Variants in DACH2 observed in about 807,000 individuals in gnomAD.
DACH2 encodes the protein dachshund family transcription factor 2.
Under a neutral mutation model 35.8 loss-of-function variants are expected in DACH2, and 17 were observed. That is an observed-to-expected ratio of 0.48 (90% CI 0.33 to 0.71). The LOEUF is 0.71. Among genes scored for constraint, DACH2 ranks in the 30% least tolerant of loss-of-function variants. The probability of loss-of-function intolerance (pLI) is 0.02; values close to 1 mark genes in which losing one functional copy is unlikely to be tolerated. For synonymous variants in DACH2, 195 were observed against 177.3 expected, an observed-to-expected ratio of 1.10 and a Z score of -0.79; for missense variants, 469 against 472.7, an observed-to-expected ratio of 0.99 and a Z score of 0.07.
At chrX:86,697,620 T>C (rs1164629676) in intron 5 of DACH2, among the ~76,000 whole-genome samples, 1 of 106,490 alleles carries the variant, frequency 9.4e-6, no homozygotes, top group Non-Finnish European at 1.9e-5. Context: ...ATGGAAAAAA[T>C]GAACATCATG....
chrX:86,377,953 T>C (rs1057439761), intron 2 of DACH2, among the ~76,000 whole-genome samples: 2 of 110,501 alleles, frequency 1.8e-5, no homozygotes, highest in African/African-American at 6.5e-5. Flanking sequence ...TATTAGACAA[T>C]GATATCAATG....
intron 3 of DACH2, among the ~76,000 whole-genome samples, chrX:86,633,534 A>T (rs759022437): frequency 8.9e-6 from 1 of 111,790 alleles, no homozygotes; most frequent in Non-Finnish European, 1.9e-5. Context: ...ACATGCATAG[A>T]AGAACTGGTA....
chrX:86,440,274 T>A (rs1400377515), intron 2 of DACH2, among the ~76,000 whole-genome samples: 1 of 111,340 alleles, frequency 9.0e-6, no homozygotes, highest in Non-Finnish European at 1.9e-5. Flanking sequence ...CTTCTATCAG[T>A]TTTGCCTCAC....
chrX:86,453,022 G>T (rs1198103829), intron 2 of DACH2, among the ~76,000 whole-genome samples: 2 of 111,303 alleles, frequency 1.8e-5, no homozygotes, highest in East Asian at 5.7e-4. Context: ...TTGCCTGTTT[G>T]TTCTCATTAG....
chrX:86,779,743 G>A (rs2042071668), intron 7 of DACH2, among the ~76,000 whole-genome samples: 1 of 111,995 alleles, frequency 8.9e-6, no homozygotes, highest in Non-Finnish European at 1.9e-5. Flanking sequence ...AGACAAAACA[G>A]TTTACTGAGG....
rs769740372 is a variant in DACH2 at position 86,287,755 on chromosome X, A to T, written c.489-89069A>T. Among the ~76,000 whole-genome samples the T allele has an allele frequency of 2.7e-5, 3 of 112,028 alleles. No homozygotes were observed. The South Asian group carries it at 1.1e-3, about 41-fold the overall frequency. On this transcript the variant is annotated intron_variant, in intron 1 of 11. Transcript: ENST00000373125. The stretch of plus-strand genomic sequence containing the variant: ...TATTTTTGATTATTTCTATGTTTTA[A>T]TTAAATTTATCTGATAGAATTCTGA...
At chrX:86,601,527 C>A (rs2039789285) in intron 3 of DACH2, among the ~76,000 whole-genome samples, 1 of 111,713 alleles carries the variant, frequency 9.0e-6, no homozygotes, top group Non-Finnish European at 1.9e-5. Context: ...AACCACTAGC[C>A]ACAAGTGGTT....
chrX:86,607,318 A>T (rs2039871411), intron 3 of DACH2, among the ~76,000 whole-genome samples: 1 of 111,075 alleles, frequency 9.0e-6, no homozygotes, highest in South Asian at 3.7e-4. Flanking sequence ...TGGCAACATG[A>T]TTTAGTTTCT....
At chrX:86,378,288 A>G (rs1221525893) in intron 2 of DACH2, among the ~76,000 whole-genome samples, 1 of 110,215 alleles carries the variant, frequency 9.1e-6, no homozygotes, top group Non-Finnish European at 1.9e-5. Flanking sequence ...TCAGAGAAAA[A>G]CCATGAAGTG....
intron 3 of DACH2, among the ~76,000 whole-genome samples, chrX:86,581,231 A>G (rs907547556): frequency 8.9e-6 from 1 of 112,061 alleles, no homozygotes; most frequent in East Asian, 2.8e-4. Flanking sequence ...AAGGGATGCT[A>G]AATATGGAAA....
intron 11 of DACH2, among the ~76,000 whole-genome samples, chrX:86,818,449 A>C (rs2042474133): frequency 9.0e-6 from 1 of 111,592 alleles, no homozygotes; most frequent in Admixed American, 9.6e-5. Context: ...AAAAGTAATA[A>C]AAACATTACT....
At chrX:86,706,031 G>T (rs929899097) in intron 5 of DACH2, among the ~76,000 whole-genome samples, 2 of 111,649 alleles carry the variant, frequency 1.8e-5, no homozygotes, top group South Asian at 7.4e-4. Context: ...TTAAAAGTGG[G>T]ATTTAAGCTA....
intron 1 of DACH2, among the ~76,000 whole-genome samples, chrX:86,359,237 A>C (rs765628662): frequency 9.0e-6 from 1 of 111,222 alleles, no homozygotes; most frequent in South Asian, 3.8e-4. Flanking sequence ...ATCAAATTCA[A>C]AATAAAATAT....
At chrX:86,210,648 C>T (rs751705131) in intron 1 of DACH2, among the ~76,000 whole-genome samples, 1 of 111,695 alleles carries the variant, frequency 9.0e-6, no homozygotes, top group Non-Finnish European at 1.9e-5. Context: ...CTCTCAATGG[C>T]TACTAGTCTT....
intron 2 of DACH2, among the ~76,000 whole-genome samples, chrX:86,431,758 A>G (rs1316766352): frequency 1.8e-5 from 2 of 111,986 alleles, no homozygotes; most frequent in African/African-American, 6.5e-5. Context: ...CTTGCTTAAT[A>G]CTAGTTGTCT....
At chrX:86,526,007 C>A (rs940035987) in intron 3 of DACH2, among the ~76,000 whole-genome samples, 9 of 111,702 alleles carry the variant, frequency 8.1e-5, no homozygotes, top group Admixed American at 7.6e-4. Context: ...TTTTCCAGGG[C>A]AGAAAGGGAA....
intron 7 of DACH2, among the ~76,000 whole-genome samples, chrX:86,788,655 T>G (rs1042552500): frequency 8.9e-6 from 1 of 112,036 alleles, no homozygotes; most frequent in Non-Finnish European, 1.9e-5. Context: ...CTTTCCCTTA[T>G]TGTTACTGAA....
chrX:86,775,423 A>G (rs2042022720), intron 7 of DACH2, among the ~76,000 whole-genome samples: 1 of 111,138 alleles, frequency 9.0e-6, no homozygotes. Flanking sequence ...ATAGGAGTGC[A>G]AGCCCTATTG....
chrX:86,809,750 C>T (rs1487725371), intron 7 of DACH2, among the ~76,000 whole-genome samples: 2 of 110,533 alleles, frequency 1.8e-5, no homozygotes, highest in African/African-American at 6.6e-5. Context: ...AGGATATGAA[C>T]AATGGGCCAA....
Sources: allele counts gnomAD v4.1 joint callset (sites outside exome capture counted in the v4.1 genomes callset), GRCh38; gene constraint gnomAD v4.1.1; transcripts MANE v1.5; gene names NCBI Gene and HGNC (gene_info 2026-07-23, HGNC 2026-07-21).